The following BZW1 variants were observed in gnomAD, a reference collection of about 807,000 sequenced individuals.
BZW1 encodes the protein eIF5-mimic protein 2.
In BZW1, 3 loss-of-function variants were observed where a neutral mutation model predicts 54.1. The observed-to-expected ratio is 0.06, with a 90% CI of 0.03 to 0.14. The LOEUF (loss-of-function observed/expected upper bound fraction) is 0.14, where lower values mean the gene tolerates loss of function less well. Ranked by LOEUF, BZW1 falls within the 10% of genes least tolerant of loss-of-function variation. The pLI, the probability that BZW1 is intolerant of heterozygous loss-of-function variation, is 1.00. For synonymous variants in BZW1, 152 were observed against 162.7 expected (o/e 0.93, Z 0.50); for missense variants, 206 against 491.7 (o/e 0.42, Z 5.50).
In BZW1 at chr2:200,818,769, C is replaced by G. The variant is rs141649308; in HGVS notation, c.834C>G (p.Val278=). 1 of 1,584,180 alleles carries G rather than the reference C, an allele frequency of 6.3e-7. No individual in the cohort carries two copies. Among genetic ancestry groups the G allele is most frequent in the Non-Finnish European group, 8.5e-7 (1 of 1,172,706 alleles). Residue 278 remains valine (V), a synonymous_variant, in exon 9 of 12, where the codon GTC becomes GTG. Coordinates refer to ENST00000409600, the MANE Select transcript of BZW1 (RefSeq NM_001207067.2). Reference sequence around the variant, plus strand: ...TTCATTTGCAGATAATTTTATATGTCAAGGAGGAGATGAAAAAAAACAACA... The same window carrying G: ...TTCATTTGCAGATAATTTTATATGTGAAGGAGGAGATGAAAAAAAACAACA... ...GDPFKDIILY[V]KEEMKKNNIP...
At chr2:200,815,249 T>C (rs191353550) in intron 2 of BZW1, 92 bp from the exon 3 acceptor site, 71 of 1,282,176 alleles carry the variant, frequency 5.5e-5, no homozygotes, top group Non-Finnish European at 7.3e-5. Context: ...TAATCTAACT[T>C]ATTTAACAAT....
chr2:200,817,035 A>G (rs1323652987), intron 5 of BZW1, 71 bp from the exon 6 acceptor site: 45 of 1,543,978 alleles, frequency 2.9e-5, no homozygotes, highest in South Asian at 2.2e-4. Flanking sequence ...TAGCCAGTAT[A>G]ACATGCTTTA....
In BZW1 at chr2:200,816,968, T is replaced by C. The variant is rs2038319139; in HGVS notation, c.403-138T>C. Reference sequence around the variant, plus strand: ...CCCGAGATCATTCAGCTAATGAGTATTGTAACTTAGATGTAAACTTGGATG... The same window carrying C: ...CCCGAGATCATTCAGCTAATGAGTACTGTAACTTAGATGTAAACTTGGATG... On this transcript the variant is annotated intron_variant, in intron 5 of 11. Transcript: ENST00000409600. 2 of 1,016,386 alleles carry C rather than the reference T, an allele frequency of 2.0e-6. 1 individual carries two copies. Among genetic ancestry groups the C allele is most frequent in the South Asian group, 3.3e-5 (2 of 60,444 alleles). The allele number at this position is 1,016,386 out of a possible 1,614,324, so 63.0% of individuals were successfully genotyped here.
chr2:200,812,546 G>T, intron 1 of BZW1: 2 of 1,402,420 alleles, frequency 1.4e-6, no homozygotes, highest in South Asian at 3.2e-5. Context: ...TGGCCGATGG[G>T]GTCCTGGGCG....
In BZW1 at chr2:200,812,443, C is replaced by T. The variant is rs368124923; in HGVS notation, c.-11+453C>T. On this transcript the variant is annotated intron_variant, in intron 1 of 11. Transcript: ENST00000409600. ...CGCCTGGGGCCCCGGCGCAAAGCGC[C>T]TCAGTGACTGTGGTCCGCTCGTTGC... 2.0e-4 allele frequency: 268 copies of T among 1,312,020 alleles called. 1 individual carries two copies. In the East Asian group the frequency reaches 5.1e-3, roughly 25 times the overall value. 81.3% of individuals were successfully genotyped at this position (1,312,020 alleles called of 1,614,324 possible).
chr2:200,818,724 CTTCTG>C (rs749331552), intron 8 of BZW1, 26 bp from the exon 9 acceptor site: 1 of 1,568,008 alleles, frequency 6.4e-7, no homozygotes, highest in Non-Finnish European at 8.6e-7. Context: ...TCAAAACTGA[CTTCTG>C]TTACTAAATT....
At position 200,818,245 on chromosome 2, in the gene BZW1, A is replaced by G. The variant is rs1387465955; in HGVS notation, c.671A>G (p.Gln224Arg). ...RLMELFPANK[Q>R]SVEHFTKYFT... Reference sequence around the variant, plus strand: ...TAGGAACTCTTTCCTGCCAATAAGCAAAGTGTTGAACACTTCACAAAATAT... The same window carrying G: ...TAGGAACTCTTTCCTGCCAATAAGCGAAGTGTTGAACACTTCACAAAATAT... The change falls in exon 8 of 12, where the codon CAA (glutamine) becomes CGA (arginine). Residue 224 changes from glutamine (Q) to arginine (R), a missense_variant. By Grantham distance (43) the Gln-to-Arg change is conservative (BLOSUM62 1). Transcript: ENST00000409600. 2.5e-6 allele frequency: 4 copies of G among 1,586,526 alleles called. No individual in the cohort carries two copies. Among genetic ancestry groups the G allele is most frequent in the Non-Finnish European group, 3.4e-6 (4 of 1,168,510 alleles).
chr2:200,821,424 G>A, intron 11 of BZW1, 119 bp downstream of exon 11: 1 of 1,264,912 alleles, frequency 7.9e-7, no homozygotes, highest in Non-Finnish European at 1.1e-6. Flanking sequence ...AGAGATTTTT[G>A]TTATAAGGCA....
rs1259893961 is a variant in BZW1 at position 200,815,859 on chromosome 2, AG to A, written c.336+100del. The A allele has an allele frequency of 6.6e-6, 8 of 1,216,744 alleles. 1 individual carries two copies. In the South Asian group the frequency reaches 1.0e-4, roughly 15 times the overall value. 75.4% of individuals were successfully genotyped at this position (1,216,744 alleles called of 1,614,324 possible). On this transcript the variant is annotated intron_variant, in intron 4 of 11. Transcript: ENST00000409600. ...TTAAGAGTTGTGGTTAGAAAGTTGA[AG>A]GAATTTGATTTTAAATTTTAGGGAT...
intron 9 of BZW1, among the ~76,000 whole-genome samples, 181 bp from the exon 10 acceptor site, chr2:200,819,801 G>T (rs866597698): frequency 6.6e-6 from 1 of 152,110 alleles, no homozygotes; most frequent in Non-Finnish European, 1.5e-5. Context: ...CTCCCAAAGT[G>T]CTGGGATTAC....
In BZW1 at chr2:200,815,323, G is replaced by A; in HGVS notation, c.65-18G>A. On this transcript the variant is annotated intron_variant, in intron 2 of 11. Transcript: ENST00000409600. Reference sequence around the variant, plus strand: ...AAATCTTTTAAAACTAAATGTTTTGGGTCCCTTGTCCCCCCAGATGAAAAA... The same window carrying A: ...AAATCTTTTAAAACTAAATGTTTTGAGTCCCTTGTCCCCCCAGATGAAAAA... 8.9e-6 allele frequency: 14 copies of A among 1,574,726 alleles called. No individual in the cohort carries two copies. The highest frequency in any genetic ancestry group is 6.8e-5 in the African/African-American group (5 of 73,070).
At chr2:200,814,797 C>CA (rs1168653300) in intron 2 of BZW1, among the ~76,000 whole-genome samples, 1 of 152,186 alleles carries the variant, frequency 6.6e-6, no homozygotes, top group Non-Finnish European at 1.5e-5. Context: ...CTCTGACTCT[C>CA]AGTTTTCCTT....
At chr2:200,812,762 CT>C (rs1335940844) in intron 1 of BZW1, 1 of 718,616 alleles carries the variant, frequency 1.4e-6, no homozygotes, top group African/African-American at 1.7e-5. Context: ...CGTAACCAGG[CT>C]TGTCAGAAGA....
intron 1 of BZW1, chr2:200,812,342 A>T (rs2038100281): frequency 7.9e-7 from 1 of 1,262,928 alleles, no homozygotes; most frequent in African/African-American, 1.6e-5. Flanking sequence ...GGCGGGGCGG[A>T]GGGGCTGCCA....
At chr2:200,816,660 T>G (rs1381098344) in intron 5 of BZW1, among the ~76,000 whole-genome samples, 1 of 152,046 alleles carries the variant, frequency 6.6e-6, no homozygotes, top group Non-Finnish European at 1.5e-5. Flanking sequence ...CCCAGCTAAT[T>G]TTCTGTTTTT....
In BZW1 at chr2:200,819,467, AT is replaced by A. The variant is rs558063772; in HGVS notation, c.967-510del. On this transcript the variant is annotated intron_variant, in intron 9 of 11. Coordinates refer to ENST00000409600, the MANE Select transcript of BZW1 (RefSeq NM_001207067.2). ...TTGAAGGGGGTATTGGAAAATAGGA[AT>A]TTTTCCCCCCCTCTAAAATACTAAT... Among the ~76,000 whole-genome samples, 185 of 151,874 alleles carry A rather than the reference AT, an allele frequency of 1.2e-3. 2 individuals are homozygous for A. Among genetic ancestry groups the A allele is most frequent in the Admixed American group, 4.6e-4 (7 of 15,274 alleles).
In BZW1 at chr2:200,814,092, G is replaced by T. The variant is rs530911873; in HGVS notation, c.64+811G>T. ...TGGTGGGGAGACCAAAGTGTGATTT[G>T]ATTCTAATCTTTGCAGATTCATTTA... On this transcript the variant is annotated intron_variant, in intron 2 of 11. Transcript: ENST00000409600. Among the ~76,000 whole-genome samples, 13 of 152,324 alleles carry T rather than the reference G, an allele frequency of 8.5e-5. No homozygotes were observed. The South Asian group carries it at 2.5e-3, about 29-fold the overall frequency.
At chr2:200,813,356 C>G in intron 2 of BZW1, 75 bp downstream of exon 2, 1 of 1,310,958 alleles carries the variant, frequency 7.6e-7, no homozygotes, top group Non-Finnish European at 1.1e-6. Context: ...CTGACAGGTA[C>G]TTGCATATTA....
chr2:200,814,080 A>G (rs910126444), intron 2 of BZW1, among the ~76,000 whole-genome samples: 2 of 152,226 alleles, frequency 1.3e-5, no homozygotes, highest in Non-Finnish European at 2.9e-5. Flanking sequence ...TGGGGAGACC[A>G]AAGTGTGATT....
Sources: allele counts gnomAD v4.1 joint callset (sites outside exome capture counted in the v4.1 genomes callset), GRCh38; gene constraint gnomAD v4.1.1; transcripts MANE v1.5; gene names NCBI Gene and HGNC (gene_info 2026-07-23, HGNC 2026-07-21).